DLGAP2: variants seen among roughly 807,000 people sequenced by gnomAD.
DLGAP2 encodes the protein DLG associated protein 2, also known as disks large-associated protein 2.
In DLGAP2, 26 loss-of-function variants were observed where a neutral mutation model predicts 100.3. That is an observed-to-expected ratio of 0.26 (90% confidence interval 0.19 to 0.36). DLGAP2 has a LOEUF of 0.36. Ranked by LOEUF, DLGAP2 falls within the 10% of genes least tolerant of loss-of-function variation. The pLI is 1.00. For synonymous variants in DLGAP2, 886 were observed against 630.1 expected (o/e 1.41, Z -6.08); for missense variants, 1,858 against 1,453.2 (o/e 1.28, Z -4.53).
rs140984039 is a variant in DLGAP2 at position 1,051,269 on chromosome 8, C to A, written c.73+143303C>A. Among the ~76,000 whole-genome samples the A allele has an allele frequency of 1.7e-4, 26 of 152,266 alleles. 1 individual carries two copies. Among genetic ancestry groups the A allele is most frequent in the African/African-American group, 6.3e-4 (26 of 41,568 alleles). Reference sequence around the variant, plus strand: ...GAGGCCTCATTGAAGGGAACCCAGGCTCTCTGGATGGAGCATTTTTCAGCA... The same window carrying A: ...GAGGCCTCATTGAAGGGAACCCAGGATCTCTGGATGGAGCATTTTTCAGCA... On this transcript the variant is annotated intron_variant, in intron 2 of 14. Coordinates refer to ENST00000637795, the MANE Select transcript of DLGAP2 (RefSeq NM_001346810.2).
intron 12 of DLGAP2, among the ~76,000 whole-genome samples, chr8:1,683,888 G>GTGTGTATACACATATATGTGTATATATA (rs1554430793): frequency 3.7e-4 from 40 of 108,666 alleles, no homozygotes; most frequent in African/African-American, 1.6e-3. Context: ...GTGTGTGTGT[G>GTGTGTATACACATATATGTGTATATATA]TGTGTGTGTA....
At chr8:1,414,273 G>T (rs188979111) in intron 3 of DLGAP2, among the ~76,000 whole-genome samples, 2 of 152,210 alleles carry the variant, frequency 1.3e-5, no homozygotes, top group Non-Finnish European at 1.5e-5. Context: ...TTGGCATGGC[G>T]CCCTGAGCAT....
At chr8:779,774 C>A (rs2132621830) in intron 1 of DLGAP2, among the ~76,000 whole-genome samples, 1 of 152,290 alleles carries the variant, frequency 6.6e-6, no homozygotes, top group African/African-American at 2.4e-5. Flanking sequence ...CCACATTTCT[C>A]TGTGTCATTT....
chr8:1,553,463 G>GGCAGCAGCCCCGTTGTGC, intron 5 of DLGAP2, among the ~76,000 whole-genome samples: 1 of 152,238 alleles, frequency 6.6e-6, no homozygotes, highest in East Asian at 1.9e-4. Flanking sequence ...CGTGTTCACG[G>GGCAGCAGCCCCGTTGTGC]TCAGCAGCCC....
intron 4 of DLGAP2, among the ~76,000 whole-genome samples, chr8:1,515,611 TGCACACACACATGCAGACACAA>T (rs1175881082): frequency 5.9e-5 from 9 of 152,130 alleles, no homozygotes; most frequent in African/African-American, 2.2e-4. Flanking sequence ...CACACGTGCA[TGCACACACACATGCAGACACAA>T]GCACACACAC....
intron 2 of DLGAP2, among the ~76,000 whole-genome samples, chr8:984,410 C>G (rs1180257498): frequency 6.6e-6 from 1 of 152,216 alleles, no homozygotes; most frequent in Non-Finnish European, 1.5e-5. Flanking sequence ...GGCTCAAAGC[C>G]CCTGCCTCCA....
chr8:765,886 T>C (rs1821201134), intron 1 of DLGAP2, among the ~76,000 whole-genome samples: 1 of 151,988 alleles, frequency 6.6e-6, no homozygotes, highest in African/African-American at 2.4e-5. Context: ...TACCCACATA[T>C]GGCCGGGTGC....
intron 8 of DLGAP2, among the ~76,000 whole-genome samples, chr8:1,649,556 T>C (rs949058297): frequency 2.0e-5 from 3 of 152,232 alleles, no homozygotes; most frequent in Non-Finnish European, 2.9e-5. Context: ...AAGTTTGGTC[T>C]ATGGTTTTAG....
chr8:798,471 G>T (rs1796081885), intron 1 of DLGAP2, among the ~76,000 whole-genome samples: 1 of 146,984 alleles, frequency 6.8e-6, no homozygotes, highest in African/African-American at 2.5e-5. Context: ...CTGACCAGGT[G>T]ATGGGTGCCT....
chr8:1,164,415 G>A (rs762261859), intron 2 of DLGAP2, among the ~76,000 whole-genome samples: 84 of 151,740 alleles, frequency 5.5e-4, no homozygotes, highest in Admixed American at 3.9e-3. Flanking sequence ...TGGTTTCTCT[G>A]GAGCTGCGAT....
chr8:1,252,287 C>T (rs1563040959), intron 2 of DLGAP2, among the ~76,000 whole-genome samples: 1 of 148,316 alleles, frequency 6.7e-6, no homozygotes, highest in East Asian at 2.0e-4. Context: ...TCACACTTGT[C>T]ACAATGTGGT....
chr8:1,345,216 T>C (rs1375623113), intron 3 of DLGAP2, among the ~76,000 whole-genome samples: 2 of 152,380 alleles, frequency 1.3e-5, no homozygotes, highest in Non-Finnish European at 2.9e-5. Flanking sequence ...CACTACTGTA[T>C]CCTCTGCTGA....
intron 13 of DLGAP2, among the ~76,000 whole-genome samples, chr8:1,693,302 A>G (rs944422841): frequency 2.0e-5 from 3 of 149,546 alleles, no homozygotes; most frequent in East Asian, 1.9e-4. Context: ...ATGCATACAT[A>G]TACATTCTAT....
intron 1 of DLGAP2, among the ~76,000 whole-genome samples, chr8:846,810 G>C (rs1797078859): frequency 6.6e-6 from 1 of 152,146 alleles, no homozygotes; most frequent in Admixed American, 6.5e-5. Context: ...ATTGGGATGA[G>C]GTGATATCTC....
At chr8:862,193 C>A (rs1797404864) in intron 1 of DLGAP2, among the ~76,000 whole-genome samples, 1 of 152,130 alleles carries the variant, frequency 6.6e-6, no homozygotes, top group Non-Finnish European at 1.5e-5. Context: ...CAAAAATAAT[C>A]CACGGGCTGA....
At chr8:1,108,858 T>C (rs1804863933) in intron 2 of DLGAP2, among the ~76,000 whole-genome samples, 1 of 125,930 alleles carries the variant, frequency 7.9e-6, no homozygotes, top group Non-Finnish European at 1.7e-5. Flanking sequence ...CTGTGAGGTG[T>C]GCACGGGTCT....
chr8:1,175,194 C>G (rs1011855316), intron 2 of DLGAP2, among the ~76,000 whole-genome samples: 2 of 151,960 alleles, frequency 1.3e-5, no homozygotes, highest in African/African-American at 4.8e-5. Context: ...CATAAAATTA[C>G]TAACTAGTAA....
chr8:883,194 C>T (rs1345869999), intron 1 of DLGAP2: 2 of 152,292 alleles, frequency 1.3e-5, no homozygotes, highest in Admixed American at 6.5e-5. Context: ...GTGCTGTACC[C>T]ACCACTGGGC....
In DLGAP2 at chr8:972,826, C is replaced by T. The variant is rs62486450; in HGVS notation, c.73+64860C>T. Among the ~76,000 whole-genome samples the T allele has an allele frequency of 5.3e-5, 8 of 152,208 alleles. No homozygotes were observed. In the South Asian group the frequency reaches 8.3e-4, roughly 16 times the overall value. ...ATTAGGGAGTGGTGATGACTCTTAA[C>T]GAGCATGCTGCCTTCAAGCATCTGT... On this transcript the variant is annotated intron_variant, in intron 2 of 14. Coordinates refer to ENST00000637795, the MANE Select transcript of DLGAP2 (RefSeq NM_001346810.2).
Sources: allele counts gnomAD v4.1 joint callset (sites outside exome capture counted in the v4.1 genomes callset), GRCh38; gene constraint gnomAD v4.1.1; transcripts MANE v1.5; gene names NCBI Gene and HGNC (gene_info 2026-07-23, HGNC 2026-07-21).